AHI1: variants seen among roughly 807,000 people sequenced by gnomAD.
AHI1 encodes jouberin.
AHI1 carries 123 observed loss-of-function variants against 149.3 expected under a neutral mutation model. The ratio of observed to expected loss-of-function variants is 0.82; its 90% CI spans 0.71 to 0.96. The LOEUF (loss-of-function observed/expected upper bound fraction) is 0.96, where lower values mean the gene tolerates loss of function less well. Among genes scored for constraint, AHI1 ranks in the 40% least tolerant of loss-of-function variants. The probability of loss-of-function intolerance (pLI) is 0.00; values close to 1 mark genes in which losing one functional copy is unlikely to be tolerated. For synonymous variants in AHI1, 475 were observed against 459.8 expected (o/e 1.03, Z -0.42); for missense variants, 1,439 against 1,422.7 (o/e 1.01, Z -0.18).
At chr6:135,493,635 TGA>T (rs1262139787) in intron 3 of AHI1, among the ~76,000 whole-genome samples, 1 of 152,144 alleles carries the variant, frequency 6.6e-6, no homozygotes, top group Non-Finnish European at 1.5e-5. Context: ...AATTGAAACC[TGA>T]GAGCACGGAA....
chr6:135,465,458 G>T (rs1790589747), intron 7 of AHI1, among the ~76,000 whole-genome samples: 1 of 152,144 alleles, frequency 6.6e-6, no homozygotes, highest in South Asian at 2.1e-4. Context: ...CTCAAAAAAG[G>T]GGAAGTAATT....
intron 24 of AHI1, among the ~76,000 whole-genome samples, chr6:135,327,471 C>A (rs550140980): frequency 6.6e-6 from 1 of 152,168 alleles, no homozygotes; most frequent in African/African-American, 2.4e-5. Flanking sequence ...TTCAAGTACA[C>A]GCAGACCTCA....
At chr6:135,461,560 T>C (rs1166731328) in intron 8 of AHI1, among the ~76,000 whole-genome samples, 3 of 152,000 alleles carry the variant, frequency 2.0e-5, no homozygotes, top group Non-Finnish European at 4.4e-5. Context: ...ATGACAGCAA[T>C]TCTACTCCTA....
chr6:135,436,995 A>T lies in AHI1; in HGVS notation c.2036+1380T>A, dbSNP rs951824246. On this transcript the variant is annotated intron_variant, in intron 15 of 28. Transcript: ENST00000265602. ...ATGTAATACAAATTTTCAGGGACTGAGATGAAAAGTACAGGTCAAATAGCC... is the reference window on the plus strand; with the variant it reads ...ATGTAATACAAATTTTCAGGGACTGTGATGAAAAGTACAGGTCAAATAGCC... Among the ~76,000 whole-genome samples the T allele has an allele frequency of 9.2e-5, 14 of 152,354 alleles. 1 individual carries two copies. Among genetic ancestry groups the T allele is most frequent in the Admixed American group, 6.5e-5 (1 of 15,302 alleles).
intron 20 of AHI1, among the ~76,000 whole-genome samples, chr6:135,422,474 C>G (rs945454357): frequency 6.6e-6 from 1 of 151,292 alleles, no homozygotes; most frequent in Non-Finnish European, 1.5e-5. Context: ...CTACTGCACT[C>G]CAGCTTGGGT....
At chr6:135,387,832 T>G in intron 23 of AHI1, 1 of 1,433,436 alleles carries the variant, frequency 7.0e-7, no homozygotes, top group Non-Finnish European at 9.2e-7. Flanking sequence ...TTCAAAGTAT[T>G]AAATGTATTG....
At chr6:135,296,223 C>G (rs1783074233) in intron 27 of AHI1, among the ~76,000 whole-genome samples, 1 of 152,148 alleles carries the variant, frequency 6.6e-6, no homozygotes, top group African/African-American at 2.4e-5. Context: ...AAAATCTGAC[C>G]TCTTTTCACT....
intron 5 of AHI1, among the ~76,000 whole-genome samples, chr6:135,482,894 C>CTTGTTTTTTTTTTTTTTTTTTTTTT (rs1793900577): frequency 1.8e-5 from 1 of 55,734 alleles, no homozygotes; most frequent in African/African-American, 9.3e-5. Flanking sequence ...CCATTTAAGG[C>CTTGTTTTTTTTTTTTTTTTTTTTTT]TTTTTTTTTT....
intron 8 of AHI1, 66 bp from the exon 9 acceptor site, chr6:135,457,779 C>A: frequency 7.0e-7 from 1 of 1,425,214 alleles, no homozygotes; most frequent in Non-Finnish European, 9.9e-7. Flanking sequence ...TTACATATAA[C>A]CTAATCTTTA....
chr6:135,382,484 C>T (rs1038075355), intron 23 of AHI1, among the ~76,000 whole-genome samples: 1 of 152,142 alleles, frequency 6.6e-6, no homozygotes. Context: ...TTCCAGAAAA[C>T]ATTACCAGTA....
At chr6:135,490,378 T>A in intron 5 of AHI1, 2 of 649,204 alleles carry the variant, frequency 3.1e-6, no homozygotes, top group Non-Finnish European at 5.5e-6. Flanking sequence ...TTCCCCACTA[T>A]CTCTGGTCAT....
chr6:135,328,367 C>G (rs1326553895), intron 24 of AHI1, among the ~76,000 whole-genome samples: 1 of 152,176 alleles, frequency 6.6e-6, no homozygotes, highest in Non-Finnish European at 1.5e-5. Flanking sequence ...TTACTTGTGT[C>G]TGTGTGTCAT....
rs536580823 is a variant in AHI1 at position 135,285,565 on chromosome 6, G to A, written c.*80C>T. On this transcript the variant is annotated 3_prime_UTR_variant, in exon 29 of 29. Transcript: ENST00000265602. ...TTCCTCCTTAGTATCTGAAAATTCT[G>A]AACTCTGAAGAGAAATTCCATTTGG... 478 of 1,448,022 alleles carry A rather than the reference G, an allele frequency of 3.3e-4. 1 individual carries two copies. The East Asian group carries it at 0.011, about 33-fold the overall frequency. The allele number at this position is 1,448,022 out of a possible 1,614,324, so 89.7% of individuals were successfully genotyped here. A position where few individuals can be genotyped will look rare whatever the true frequency, so the allele number is the denominator to read the frequency against.
intron 24 of AHI1, among the ~76,000 whole-genome samples, chr6:135,323,657 C>T (rs1787216940): frequency 6.6e-6 from 1 of 152,034 alleles, no homozygotes; most frequent in African/African-American, 2.4e-5. Flanking sequence ...TTGTTTTATA[C>T]TACCTTTATG....
At chr6:135,471,572 C>CAAATT (rs137947474) in intron 5 of AHI1, among the ~76,000 whole-genome samples, 5,759 of 152,128 alleles carry the variant, frequency 0.038, 301 homozygotes, top group African/African-American at 0.12. Context: ...TTTCATGGAT[C>CAAATT]AAATTATGTT....
chr6:135,470,767 A>G (rs1791557819), intron 5 of AHI1, among the ~76,000 whole-genome samples: 2 of 151,952 alleles, frequency 1.3e-5, no homozygotes, highest in African/African-American at 4.8e-5. Flanking sequence ...GAGAGGAACA[A>G]CAAACACTGG....
chr6:135,407,809 G>A (rs969758692), intron 21 of AHI1, among the ~76,000 whole-genome samples: 4 of 151,970 alleles, frequency 2.6e-5, no homozygotes, highest in Non-Finnish European at 4.4e-5. Context: ...TCAGGAGATC[G>A]AGATCATCCT....
In AHI1 at chr6:135,303,199, T is replaced by C. The variant is rs369454338; in HGVS notation, c.3427-2641A>G. On this transcript the variant is annotated intron_variant, in intron 26 of 28. Transcript: ENST00000265602. ...GGAAGAAAACAACTCATAGATAGCTTTGTAAAAGAGAAAGGGGCTATGCAA... is the reference window on the plus strand; with the variant it reads ...GGAAGAAAACAACTCATAGATAGCTCTGTAAAAGAGAAAGGGGCTATGCAA... 7.9e-5 allele frequency among the ~76,000 whole-genome samples: 12 copies of C among 152,310 alleles called. 1 individual carries two copies. Among genetic ancestry groups the C allele is most frequent in the East Asian group, 1.9e-4 (1 of 5,190 alleles).
intron 5 of AHI1, among the ~76,000 whole-genome samples, chr6:135,469,371 C>T (rs990920914): frequency 6.6e-6 from 1 of 152,000 alleles, no homozygotes; most frequent in Non-Finnish European, 1.5e-5. Context: ...AAAATAAGAG[C>T]CATTTATGAC....
Sources: gnomAD v4.1 joint callset for allele counts (sites outside exome capture counted in the v4.1 genomes callset) on GRCh38, gnomAD v4.1.1 for gene constraint, MANE v1.5 for transcripts, NCBI Gene and HGNC (gene_info 2026-07-23, HGNC 2026-07-21) for gene names.